The following RSRC1 variants were observed in gnomAD, a reference collection of about 807,000 sequenced individuals.
RSRC1 encodes arginine and serine rich coiled-coil 1.
RSRC1 carries 39 observed loss-of-function variants against 49.1 expected under a neutral mutation model. The ratio of observed to expected loss-of-function variants is 0.79; its 90% CI spans 0.61 to 1.04. The LOEUF is 1.04. Ranked by LOEUF, RSRC1 falls within the 50% of genes least tolerant of loss-of-function variation. RSRC1 has a pLI of 0.00. For missense variants in RSRC1, 388 were observed against 402.4 expected (o/e 0.96, Z 0.31); for synonymous variants, 143 against 130.8 (o/e 1.09, Z -0.63).
intron 6 of RSRC1, among the ~76,000 whole-genome samples, chr3:158,370,986 T>G (rs1188982229): frequency 6.6e-6 from 1 of 151,934 alleles, no homozygotes; most frequent in Non-Finnish European, 1.5e-5. Flanking sequence ...GCCATTTTAT[T>G]GAGTGCGTTT....
chr3:158,470,321 AACACACACACACACACACACACAC>A (rs375305594), intron 7 of RSRC1, among the ~76,000 whole-genome samples: 5 of 136,848 alleles, frequency 3.7e-5, no homozygotes, highest in African/African-American at 1.1e-4. Context: ...TGCTCTTAGA[AACACACACACACACACACACACAC>A]ACACACACAC....
rs77088575 is a variant in RSRC1 at position 158,439,880 on chromosome 3, A to G, written c.584-21055A>G. Among the ~76,000 whole-genome samples, 102 of 152,250 alleles carry G rather than the reference A, an allele frequency of 6.7e-4. 1 individual carries two copies. The East Asian group carries it at 0.019, about 28-fold the overall frequency. On this transcript the variant is annotated intron_variant, in intron 6 of 9. Coordinates refer to ENST00000611884, the MANE Select transcript of RSRC1 (RefSeq NM_001271838.2). Reference sequence around the variant, plus strand: ...ACTACTGCCAAAGTGCATGTACGACAAGAGCAACTAGCTCTGTCTAGAGTT... The same window carrying G: ...ACTACTGCCAAAGTGCATGTACGACGAGAGCAACTAGCTCTGTCTAGAGTT...
At chr3:158,139,171 CAG>C (rs1716579388) in intron 3 of RSRC1, among the ~76,000 whole-genome samples, 1 of 152,078 alleles carries the variant, frequency 6.6e-6, no homozygotes, top group African/African-American at 2.4e-5. Context: ...GAGGCTCAGG[CAG>C]GTGGATCATC....
chr3:158,260,769 A>G (rs975378451), intron 4 of RSRC1, among the ~76,000 whole-genome samples: 27 of 152,110 alleles, frequency 1.8e-4, no homozygotes, highest in Non-Finnish European at 5.9e-5. Flanking sequence ...ACCTCTCACT[A>G]TGGCTGGTCC....
At chr3:158,155,861 A>T (rs775424165) in intron 3 of RSRC1, among the ~76,000 whole-genome samples, 3 of 152,220 alleles carry the variant, frequency 2.0e-5, no homozygotes, top group Admixed American at 2.0e-4. Flanking sequence ...TTTTATTTAT[A>T]GAGCACAGGC....
chr3:158,299,826 C>T (rs1727437540), intron 5 of RSRC1, among the ~76,000 whole-genome samples: 1 of 151,862 alleles, frequency 6.6e-6, no homozygotes, highest in Non-Finnish European at 1.5e-5. Flanking sequence ...TAATTTTATC[C>T]AGCAGTGGTT....
intron 7 of RSRC1, among the ~76,000 whole-genome samples, chr3:158,466,216 C>A (rs536868436): frequency 2.0e-5 from 3 of 152,210 alleles, no homozygotes; most frequent in Admixed American, 6.5e-5. Flanking sequence ...ATAGCTAAGT[C>A]ATACTATTTT....
chr3:158,302,781 C>A (rs1325617362), intron 5 of RSRC1: 1 of 151,000 alleles, frequency 6.6e-6, no homozygotes, highest in African/African-American at 2.4e-5. Context: ...CCTGTCTCAG[C>A]CTCCTGAGTA....
At chr3:158,141,738 A>G (rs890181139) in intron 3 of RSRC1, among the ~76,000 whole-genome samples, 7 of 152,168 alleles carry the variant, frequency 4.6e-5, no homozygotes, top group Admixed American at 6.6e-5. Context: ...GGGAATATAA[A>G]GCATTTGTGA....
chr3:158,447,937 C>G (rs757271003), intron 6 of RSRC1, among the ~76,000 whole-genome samples: 20 of 151,864 alleles, frequency 1.3e-4, no homozygotes, highest in Admixed American at 5.3e-4. Flanking sequence ...CCAATAGTTA[C>G]TCTTTAAAAA....
At position 158,243,720 on chromosome 3, in the gene RSRC1, G is replaced by A. The variant is rs117824701; in HGVS notation, c.494+40475G>A. Among the ~76,000 whole-genome samples, 123 of 152,178 alleles carry A rather than the reference G, an allele frequency of 8.1e-4. No homozygotes were observed. The East Asian group carries it at 0.022, about 27-fold the overall frequency. ...TTTGTGTCATGTCTGATTTCTTTGAGCACTGGTTCTTAGTTCTCTTTCAAG... is the reference window on the plus strand; with the variant it reads ...TTTGTGTCATGTCTGATTTCTTTGAACACTGGTTCTTAGTTCTCTTTCAAG... On this transcript the variant is annotated intron_variant, in intron 4 of 9. Coordinates refer to ENST00000611884, the MANE Select transcript of RSRC1 (RefSeq NM_001271838.2).
At chr3:158,509,001 G>T (rs1416714803) in intron 7 of RSRC1, among the ~76,000 whole-genome samples, 1 of 152,108 alleles carries the variant, frequency 6.6e-6, no homozygotes, top group Non-Finnish European at 1.5e-5. Context: ...TTTTAACTTT[G>T]ATGAAGTTCA....
intron 4 of RSRC1, among the ~76,000 whole-genome samples, chr3:158,216,066 C>T (rs698986): frequency 0.57 from 86,421 of 151,048 alleles, 25,062 homozygotes; most frequent in East Asian, 0.73. Context: ...CTGTATTTCT[C>T]CTTTATTAGA....
At chr3:158,478,506 A>G (rs967954832) in intron 7 of RSRC1, among the ~76,000 whole-genome samples, 2 of 151,614 alleles carry the variant, frequency 1.3e-5, no homozygotes, top group South Asian at 2.1e-4. Flanking sequence ...AATTCTGACT[A>G]TTATTCCTCT....
intron 1 of RSRC1, among the ~76,000 whole-genome samples, chr3:158,120,687 T>TTA (rs1006994389): frequency 1.4e-5 from 2 of 147,102 alleles, no homozygotes; most frequent in Admixed American, 6.9e-5. Flanking sequence ...AATATATATT[T>TTA]TATATATATA....
chr3:158,442,590 A>C (rs1013228669), intron 6 of RSRC1, among the ~76,000 whole-genome samples: 10 of 152,026 alleles, frequency 6.6e-5, no homozygotes, highest in African/African-American at 2.4e-4. Context: ...AGCCCTTCAA[A>C]ATCATCCATG....
At chr3:158,355,729 A>G (rs1199988895) in intron 6 of RSRC1, among the ~76,000 whole-genome samples, 2 of 152,058 alleles carry the variant, frequency 1.3e-5, no homozygotes, top group African/African-American at 4.8e-5. Flanking sequence ...TGCTCTTCAA[A>G]AATGTATATA....
chr3:158,364,766 A>G (rs1731664690), intron 6 of RSRC1, among the ~76,000 whole-genome samples: 1 of 151,314 alleles, frequency 6.6e-6, no homozygotes, highest in Non-Finnish European at 1.5e-5. Flanking sequence ...AAACCATAGG[A>G]AAATTGTTAA....
At chr3:158,113,184 G>T (rs1209724227) in intron 1 of RSRC1, among the ~76,000 whole-genome samples, 1 of 152,068 alleles carries the variant, frequency 6.6e-6, no homozygotes, top group Non-Finnish European at 1.5e-5. Context: ...TGGGTCAAAT[G>T]GTATTTCTGG....
Sources: gnomAD v4.1 joint callset for allele counts (sites outside exome capture counted in the v4.1 genomes callset) on GRCh38, gnomAD v4.1.1 for gene constraint, MANE v1.5 for transcripts, NCBI Gene and HGNC (gene_info 2026-07-23, HGNC 2026-07-21) for gene names.